SH3D21: variants seen among roughly 807,000 people sequenced by gnomAD.
The protein encoded by SH3D21 is SH3 domain-containing protein 21.
In SH3D21, 83 loss-of-function variants were observed where a neutral mutation model predicts 82.1. The ratio of observed to expected loss-of-function variants is 1.01; its 90% CI spans 0.85 to 1.21. The LOEUF is 1.21. Ranked by LOEUF, SH3D21 falls within the 50% of genes most tolerant of loss-of-function variation. The pLI is 0.00. For synonymous variants in SH3D21, 383 were observed against 387.8 expected (o/e 0.99, Z 0.15); for missense variants, 980 against 962.1 (o/e 1.02, Z -0.25).
chr1:36,313,724 C>T (rs1432026784), intron 10 of SH3D21, among the ~76,000 whole-genome samples: 1 of 151,800 alleles, frequency 6.6e-6, no homozygotes, highest in African/African-American at 2.4e-5. Flanking sequence ...ACCACCACAC[C>T]TGGCTAGTTT....
At chr1:36,324,637 C>G (rs778900248), downstream of SH3D21, 1 of 152,254 alleles carries the variant, frequency 6.6e-6, no homozygotes, top group East Asian at 1.9e-4. Flanking sequence ...CTGCAGACCC[C>G]TACTCCCCCA....
chr1:36,319,908 C>T lies in SH3D21; in HGVS notation c.1245C>T (p.Thr415=). ...GKIPAPDKVP[T]PEKMVTPEDK... ...TCCCAGCTCCTGACAAAGTCCCCACCCCAGAGAAGATGGTGACTCCGGAGG... is the reference window on the plus strand; with the variant it reads ...TCCCAGCTCCTGACAAAGTCCCCACTCCAGAGAAGATGGTGACTCCGGAGG... Residue 415 remains threonine (T), a synonymous_variant, in exon 14 of 16, where the codon ACC becomes ACT. Coordinates refer to ENST00000453908, the MANE Select transcript of SH3D21 (RefSeq NM_001162530.2). The T allele has an allele frequency of 6.2e-7, 1 of 1,614,144 alleles. No homozygotes were observed. The highest frequency in any genetic ancestry group is 8.5e-7 in the Non-Finnish European group (1 of 1,180,002).
intron 10 of SH3D21, among the ~76,000 whole-genome samples, chr1:36,313,327 C>CAATAAATAAATA (rs60993866): frequency 0.36 from 51,832 of 142,192 alleles, 10,341 homozygotes; most frequent in East Asian, 0.66. Flanking sequence ...CTCTGTCTCA[C>CAATAAATAAATA]AATAAATAAA....
Position 36,306,601 on chromosome 1 carries a change from T to C in SH3D21, c.8T>C (p.Val3Ala), listed in dbSNP as rs779787268. 2.3e-6 allele frequency: 3 copies of C among 1,302,752 alleles called. No individual in the cohort carries two copies. The South Asian group carries it at 3.7e-5, about 16-fold the overall frequency. The allele number at this position is 1,302,752 out of a possible 1,614,324, so 80.7% of individuals were successfully genotyped here. ...CGGCCCCGTCTTCCGCCCGCAGAAG[T>C]CCTCGTCCTGGCCGGATACCGCGCG... ME[V>A]LVLAGYRAQK... Residue 3 changes from valine to alanine, a missense_variant, in exon 2 of 16, where the codon GTC (valine) becomes GCC (alanine). Val to Ala is a moderately conservative substitution (Grantham distance 64). Coordinates refer to ENST00000453908, the MANE Select transcript of SH3D21 (RefSeq NM_001162530.2). The surrounding 1 kb of genome is among the most constrained non-coding windows in gnomAD (Gnocchi z 4.5).
At chr1:36,323,090 T>C (rs781246577), downstream of SH3D21, 1 of 1,574,110 alleles carries the variant, frequency 6.4e-7, no homozygotes, top group African/African-American at 1.4e-5. Context: ...CAAAGTCAGA[T>C]CCTTCTCCCA....
At chr1:36,321,648 G>A, downstream of SH3D21, 3 of 1,014,594 alleles carry the variant, frequency 3.0e-6, no homozygotes, top group Non-Finnish European at 3.6e-6. This position sits in a 1 kb window ranked among gnomAD's most constrained non-coding sequence, Gnocchi z 6.1. Context: ...GCCCAAGCAC[G>A]CATGCTTACA....
At chr1:36,312,352 C>T (rs1216439544) in intron 10 of SH3D21, among the ~76,000 whole-genome samples, 1 of 152,124 alleles carries the variant, frequency 6.6e-6, no homozygotes, top group Non-Finnish European at 1.5e-5. Context: ...AAGATTTATT[C>T]CCAGATATTC....
Position 36,306,935 on chromosome 1 carries a change from T to G in SH3D21, c.226+30T>G, listed in dbSNP as rs1297310596. ...GCGCAAGGGCGGGGACGGGCGCCGG[T>G]GGGCGGGTGCACGGAGCCAGTGCGA... On this transcript the variant is annotated intron_variant, in intron 3 of 15. Transcript: ENST00000453908. The surrounding 1 kb of genome is among the most constrained non-coding windows in gnomAD (Gnocchi z 4.5). The G allele has an allele frequency of 7.5e-7, 1 of 1,330,080 alleles. No homozygotes were observed. Among genetic ancestry groups the G allele is most frequent in the East Asian group, 4.4e-5 (1 of 22,936 alleles). The allele number at this position is 1,330,080 out of a possible 1,614,324, so 82.4% of individuals were successfully genotyped here.
At position 36,320,705 on chromosome 1, in the gene SH3D21, C is replaced by A; in HGVS notation, c.2042C>A (p.Thr681Lys). The A allele has an allele frequency of 6.2e-7, 1 of 1,614,096 alleles. No individual in the cohort carries two copies. Among genetic ancestry groups the A allele is most frequent in the Non-Finnish European group, 8.5e-7 (1 of 1,179,982 alleles). Residue 681 changes from threonine to lysine, a missense_variant, in exon 14 of 16, where the codon ACG becomes AAG. Thr to Lys is a moderately conservative substitution (Grantham distance 78, BLOSUM62 -1). Transcript: ENST00000453908. ...ALPSLVPQNY[T>K]ENKNEGVDVT... ...CCCTCGCTGGTCCCGCAAAACTACA[C>A]GGAAAACAAGAATGAAGGAGTTGAT...
At chr1:36,325,313 T>C (rs1333514744), downstream of SH3D21, among the ~76,000 whole-genome samples, 4 of 152,206 alleles carry the variant, frequency 2.6e-5, no homozygotes, top group African/African-American at 9.7e-5. Flanking sequence ...ATTACAAGTG[T>C]GAGCCATCAT....
downstream of SH3D21, among the ~76,000 whole-genome samples, chr1:36,327,536 G>A (rs1570420380): frequency 6.6e-6 from 1 of 152,198 alleles, no homozygotes; most frequent in Non-Finnish European, 1.5e-5. Context: ...TCTGTGCTAC[G>A]CAGCTCTCTG....
At chr1:36,311,388 C>T (rs1311072663) in intron 10 of SH3D21, among the ~76,000 whole-genome samples, 1 of 152,074 alleles carries the variant, frequency 6.6e-6, no homozygotes, top group East Asian at 1.9e-4. Context: ...CTACAGGCGC[C>T]TGCCATCACG....
chr1:36,316,988 T>C (rs990519815), intron 10 of SH3D21, among the ~76,000 whole-genome samples: 1 of 152,146 alleles, frequency 6.6e-6, no homozygotes, highest in African/African-American at 2.4e-5. Context: ...TCCTCTCTTT[T>C]GTAGACCTCC....
At chr1:36,328,036 G>T (rs896630298), downstream of SH3D21, 2 of 486,910 alleles carry the variant, frequency 4.1e-6, no homozygotes, top group Admixed American at 4.7e-5. Flanking sequence ...CTGCCTATCT[G>T]CCCAGGACTT....
rs1038095220 is a variant in SH3D21, at chr1:36,320,125, C to T, written c.1462C>T (p.Pro488Ser). The T allele has an allele frequency of 1.9e-6, 3 of 1,613,900 alleles. No individual in the cohort carries two copies. Among genetic ancestry groups the T allele is most frequent in the African/African-American group, 1.3e-5 (1 of 74,922 alleles). ...EAPTLEKVLT[P>S]ELSEEEVSTR... ...CCCCACTCTAGAAAAGGTCTTGACC[C>T]CAGAGCTTTCTGAAGAAGAGGTGTC... Residue 488 changes from proline to serine, a missense_variant, in exon 14 of 16, where the codon CCA becomes TCA. Transcript: ENST00000453908.
In SH3D21 at chr1:36,320,403, C is replaced by A; in HGVS notation, c.1740C>A (p.His580Gln). Residue 580 changes from histidine to glutamine, a missense_variant, in exon 14 of 16, where the codon CAC (histidine) becomes CAA (glutamine). Coordinates refer to ENST00000453908, the MANE Select transcript of SH3D21 (RefSeq NM_001162530.2). ...PASRPALEKP[H>Q]PHEEATTLPE... is the part of the protein sequence containing the mutation. The stretch of plus-strand genomic sequence containing the variant: ...CCAGGCCTGCCCTTGAGAAGCCCCA[C>A]CCCCACGAAGAGGCTACAACCCTTC... 6.2e-7 allele frequency: 1 copy of A among 1,613,606 alleles called. No homozygotes were observed. The highest frequency in any genetic ancestry group is 1.7e-4 in the Middle Eastern group (1 of 6,058).
chr1:36,314,221 C>T (rs553799021), intron 10 of SH3D21, among the ~76,000 whole-genome samples: 164 of 151,086 alleles, frequency 1.1e-3, no homozygotes, highest in African/African-American at 2.5e-3. Flanking sequence ...GTGATTCACC[C>T]GCTTTGGCCT....
At position 36,307,754 on chromosome 1, in the gene SH3D21, C is replaced by T. The variant is rs923198396; in HGVS notation, c.437-16C>T. 6 of 1,551,228 alleles carry T rather than the reference C, an allele frequency of 3.9e-6. No homozygotes were observed. Among genetic ancestry groups the T allele is most frequent in the African/African-American group, 1.4e-5 (1 of 73,048 alleles). On this transcript the variant is annotated splice_polypyrimidine_tract_variant and intron_variant, in intron 5 of 15. Coordinates refer to ENST00000453908, the MANE Select transcript of SH3D21 (RefSeq NM_001162530.2). The surrounding 1 kb of genome is among the most constrained non-coding windows in gnomAD (Gnocchi z 5.4). ...TGTGAATTAGCACCCTCCCTAACCT[C>T]ACTGTCCCCCACTAGGCCTTGGTAA...
intron 10 of SH3D21, 105 bp from the exon 11 acceptor site, chr1:36,318,966 G>A (rs1018427424): frequency 1.6e-5 from 10 of 616,792 alleles, no homozygotes; most frequent in Admixed American, 5.2e-5. Context: ...GTGCAGTGGC[G>A]CATAGTCAAA....
Sources: gnomAD v4.1 joint callset for allele counts (sites outside exome capture counted in the v4.1 genomes callset) on GRCh38, gnomAD v4.1.1 for gene constraint, Gnocchi (gnomAD v3.1) non-coding constraint, MANE v1.5 for transcripts, NCBI Gene and HGNC (gene_info 2026-07-23, HGNC 2026-07-21) for gene names.